Variants in THSD7A observed in about 807,000 individuals in gnomAD.
THSD7A encodes the protein thrombospondin type 1 domain containing 7A, also known as thrombospondin type-1 domain-containing protein 7A.
A neutral mutation model predicts 231.3 loss-of-function variants in THSD7A; 96 were observed. The observed-to-expected ratio is 0.41, with a 90% confidence interval of 0.35 to 0.49. THSD7A has a LOEUF of 0.49. THSD7A is among the 20% of genes least tolerant of loss of function. THSD7A has a pLI of 0.05. For synonymous variants in THSD7A, 940 were observed against 743.3 expected (o/e 1.26, Z -4.30); for missense variants, 2,290 against 2,070.2 (o/e 1.11, Z -2.06).
rs116379681 is a variant in THSD7A at position 11,682,612 on chromosome 7, T to C, written c.191-45651A>G. Among the ~76,000 whole-genome samples the C allele has an allele frequency of 1.8e-3, 281 of 152,186 alleles. 1 individual carries two copies. The highest frequency in any genetic ancestry group is 6.5e-3 in the African/African-American group (271 of 41,550). The stretch of plus-strand genomic sequence containing the variant: ...AGCACATTCAATTTTATAAAATGAT[T>C]ACCACTAAACCTAAGAATAGACATA... On this transcript the variant is annotated intron_variant, in intron 1 of 27. Transcript: ENST00000423059.
At chr7:11,674,751 A>G (rs1783566529) in intron 1 of THSD7A, among the ~76,000 whole-genome samples, 1 of 152,162 alleles carries the variant, frequency 6.6e-6, no homozygotes, top group African/African-American at 2.4e-5. Context: ...CTATACAAAA[A>G]TCCAGAGTGT....
chr7:11,406,532 C>G lies in THSD7A; in HGVS notation c.4063-58G>C. ...AAGAGAAATACTTCATTAGAGAGCTCATCACTTAGTTATCTCTGCACCACT... is the reference window on the plus strand; with the variant it reads ...AAGAGAAATACTTCATTAGAGAGCTGATCACTTAGTTATCTCTGCACCACT... On this transcript the variant is annotated intron_variant, in intron 21 of 27. Coordinates refer to ENST00000423059, the MANE Select transcript of THSD7A (RefSeq NM_015204.3). This position sits in a 1 kb window ranked among gnomAD's most constrained non-coding sequence, Gnocchi z 4.7. The G allele has an allele frequency of 6.8e-6, 10 of 1,475,180 alleles. No individual in the cohort carries two copies. The highest frequency in any genetic ancestry group is 9.1e-6 in the Non-Finnish European group (10 of 1,100,868). 91.4% of individuals were successfully genotyped at this position (1,475,180 alleles called of 1,614,324 possible).
At chr7:11,432,576 A>G (rs544561100) in intron 13 of THSD7A, among the ~76,000 whole-genome samples, 3 of 152,130 alleles carry the variant, frequency 2.0e-5, no homozygotes, top group East Asian at 3.9e-4. Context: ...GTTTATATCC[A>G]TTTGTGCTAG....
intron 1 of THSD7A, among the ~76,000 whole-genome samples, chr7:11,753,595 T>C (rs1782577932): frequency 6.6e-6 from 1 of 151,118 alleles, no homozygotes. Context: ...CTGTAACTAC[T>C]GCCCCTACCA....
At chr7:11,743,486 C>T (rs998753138) in intron 1 of THSD7A, among the ~76,000 whole-genome samples, 1 of 151,724 alleles carries the variant, frequency 6.6e-6, no homozygotes, top group Non-Finnish European at 1.5e-5. Flanking sequence ...AAAAATATTC[C>T]CCTCTTTTTT....
chr7:11,789,938 T>G lies in THSD7A; in HGVS notation c.190+41819A>C, dbSNP rs752608019. 6.4e-4 allele frequency among the ~76,000 whole-genome samples: 98 copies of G among 151,982 alleles called. 1 individual carries two copies. Among genetic ancestry groups the G allele is most frequent in the Non-Finnish European group, 1.1e-3 (76 of 67,954 alleles). ...CGTGTCTCCAATTTTGTGTTCTAAC[T>G]GTCTTCTGGAGAAAGTAATTTTGTG... On this transcript the variant is annotated intron_variant, in intron 1 of 27. Coordinates refer to ENST00000423059, the MANE Select transcript of THSD7A (RefSeq NM_015204.3).
intron 23 of THSD7A, among the ~76,000 whole-genome samples, chr7:11,392,903 C>T (rs1478082622): frequency 6.6e-6 from 1 of 152,104 alleles, no homozygotes; most frequent in Non-Finnish European, 1.5e-5. Context: ...ATAGATCAAA[C>T]TCCCATCTCC....
chr7:11,660,595 A>G (rs1231946999), intron 1 of THSD7A, among the ~76,000 whole-genome samples: 3 of 151,522 alleles, frequency 2.0e-5, no homozygotes, highest in African/African-American at 7.2e-5. Flanking sequence ...CATTACATTA[A>G]CAATGAAATG....
chr7:11,432,359 A>G (rs1252210792), intron 13 of THSD7A, among the ~76,000 whole-genome samples: 2 of 152,074 alleles, frequency 1.3e-5, no homozygotes, highest in African/African-American at 4.8e-5. Flanking sequence ...TTTGTTTTAA[A>G]CTTCGTATTG....
chr7:11,438,971 C>T (rs1394655444), intron 13 of THSD7A, among the ~76,000 whole-genome samples: 1 of 151,882 alleles, frequency 6.6e-6, no homozygotes, highest in Non-Finnish European at 1.5e-5. Context: ...CATTTATGTT[C>T]TCTTTGCAAT....
intron 1 of THSD7A, among the ~76,000 whole-genome samples, chr7:11,706,835 T>C (rs1347769246): frequency 2.0e-5 from 3 of 150,676 alleles, no homozygotes; most frequent in South Asian, 2.1e-4. Context: ...GAATGACTTA[T>C]CGGCAAATGA....
In THSD7A at chr7:11,543,022, G is replaced by A; in HGVS notation, c.1549C>T (p.Pro517Ser). The A allele has an allele frequency of 6.2e-7, 1 of 1,613,860 alleles. No individual in the cohort carries two copies. The highest frequency in any genetic ancestry group is 8.5e-7 in the Non-Finnish European group (1 of 1,179,826). Reference protein sequence around the residue: ...IPCPTECEVSPWSAWGPCTYE... With the variant: ...IPCPTECEVSSWSAWGPCTYE... ...GTACAAGGTCCCCAAGCTGACCAAG[G>A]TGAAACTTCACATTCAGTTGGACAA... The change falls in exon 5 of 28, where the codon CCT becomes TCT. Residue 517 changes from proline (P) to serine (S), a missense_variant. Transcript: ENST00000423059.
intron 22 of THSD7A, among the ~76,000 whole-genome samples, chr7:11,403,891 A>G (rs527487248): frequency 1.3e-5 from 2 of 152,332 alleles, no homozygotes; most frequent in Non-Finnish European, 2.9e-5. Flanking sequence ...ACAATTAAAC[A>G]CATGAGATGT....
intron 4 of THSD7A, among the ~76,000 whole-genome samples, chr7:11,580,706 G>C (rs926331056): frequency 1.3e-5 from 2 of 152,010 alleles, no homozygotes; most frequent in African/African-American, 4.8e-5. Context: ...CACATAGAGG[G>C]GAACAACACG....
At chr7:11,562,934 G>C (rs1790136820) in intron 4 of THSD7A, among the ~76,000 whole-genome samples, 1 of 152,156 alleles carries the variant, frequency 6.6e-6, no homozygotes, top group South Asian at 2.1e-4. Context: ...TACCAAAGCA[G>C]TTTTAATTTC....
chr7:11,548,241 C>A (rs994804300), intron 4 of THSD7A, among the ~76,000 whole-genome samples: 1 of 152,036 alleles, frequency 6.6e-6, no homozygotes, highest in Non-Finnish European at 1.5e-5. Context: ...TCTATGCACA[C>A]AACCTAGAAA....
At chr7:11,742,729 C>T (rs140755031) in intron 1 of THSD7A, among the ~76,000 whole-genome samples, 343 of 152,004 alleles carry the variant, frequency 2.3e-3, no homozygotes, top group African/African-American at 8.0e-3. Context: ...TTGCTGCACT[C>T]AGTGATTTAT....
chr7:11,518,147 T>C (rs553167768), intron 6 of THSD7A, among the ~76,000 whole-genome samples: 3 of 152,346 alleles, frequency 2.0e-5, no homozygotes, highest in South Asian at 2.1e-4. Context: ...AAAATGTTAG[T>C]GCTTGTTTGT....
intron 15 of THSD7A, among the ~76,000 whole-genome samples, chr7:11,425,408 T>C (rs762553901): frequency 7.9e-5 from 12 of 152,144 alleles, no homozygotes; most frequent in Non-Finnish European, 1.6e-4. Context: ...ATCTTAAAAC[T>C]AATCCTCAAT....
Sources: gnomAD v4.1 joint callset for allele counts (sites outside exome capture counted in the v4.1 genomes callset) on GRCh38, gnomAD v4.1.1 for gene constraint, Gnocchi (gnomAD v3.1) non-coding constraint, MANE v1.5 for transcripts, NCBI Gene and HGNC (gene_info 2026-07-23, HGNC 2026-07-21) for gene names.